Variants in PIWIL1 observed in about 807,000 individuals in gnomAD.
PIWIL1 encodes piwi-like protein 1.
Under a neutral mutation model 114.4 loss-of-function variants are expected in PIWIL1, and 73 were observed. The observed-to-expected ratio is 0.64, with a 90% CI of 0.53 to 0.78. The LOEUF (loss-of-function observed/expected upper bound fraction) is 0.78, where lower values mean the gene tolerates loss of function less well. Among genes scored for constraint, PIWIL1 ranks in the 30% least tolerant of loss-of-function variants. The pLI, the probability that PIWIL1 is intolerant of heterozygous loss-of-function variation, is 0.00. For synonymous variants in PIWIL1, 375 were observed against 369.0 expected (o/e 1.02, Z -0.19); for missense variants, 723 against 1,063.1 (o/e 0.68, Z 4.45).
At chr12:130,422,533 C>T in the PIWIL1 span, 79 of 1,611,428 alleles carry the variant, frequency 4.9e-5, no homozygotes, top group East Asian at 2.7e-4. The surrounding 1 kb of genome is among the most constrained non-coding windows in gnomAD (Gnocchi z 5.2). Flanking sequence ...GTGATCCACC[C>T]GTCCTGCAGA....
At chr12:130,408,413 G>A in the PIWIL1 span, among the ~76,000 whole-genome samples, 1 of 152,186 alleles carries the variant, frequency 6.6e-6, no homozygotes, top group Admixed American at 6.5e-5. Context: ...TTCCATTGTG[G>A]TTTAGCAGCG....
In PIWIL1 at chr12:130,367,278, C is replaced by T. The variant is rs1290886874; in HGVS notation, c.2321+20C>T. The T allele has an allele frequency of 2.5e-6, 4 of 1,597,518 alleles. No individual in the cohort carries two copies. The highest frequency in any genetic ancestry group is 3.4e-6 in the Non-Finnish European group (4 of 1,168,572). On this transcript the variant is annotated intron_variant, in intron 19 of 20. Transcript: ENST00000245255. ...AGAATGGTAAGTTCCATGTGATGAG[C>T]TGAAGGTTGTTTTCTCCTTGGTGGT...
chr12:130,376,269 A>G (rs138445653), downstream of PIWIL1, among the ~76,000 whole-genome samples: 193 of 152,358 alleles, frequency 1.3e-3, no homozygotes, highest in African/African-American at 4.4e-3. Flanking sequence ...ATATCTGTTG[A>G]TAATTACCAT....
chr12:130,401,074 A>ATACTT, the PIWIL1 span, among the ~76,000 whole-genome samples: 12 of 152,224 alleles, frequency 7.9e-5, no homozygotes, highest in African/African-American at 2.7e-4. Flanking sequence ...CAATGTAAAC[A>ATACTT]TACTTAACAC....
intron 19 of PIWIL1, among the ~76,000 whole-genome samples, chr12:130,368,806 C>T (rs984054997): frequency 6.6e-6 from 1 of 151,880 alleles, no homozygotes; most frequent in Non-Finnish European, 1.5e-5. Context: ...GTATAAAAAA[C>T]GTCATGAGTT....
At chr12:130,397,193 C>A in the PIWIL1 span, 221 of 375,050 alleles carry the variant, frequency 5.9e-4, 1 homozygote, top group South Asian at 1.3e-3. Context: ...AACCGCTCCT[C>A]TTTGTTCTCG....
chr12:130,366,109 A>G (rs1449209070), intron 18 of PIWIL1, among the ~76,000 whole-genome samples: 2 of 152,192 alleles, frequency 1.3e-5, no homozygotes, highest in East Asian at 3.9e-4. Flanking sequence ...ATTGGAAATC[A>G]AGTGTATCTG....
At chr12:130,421,256 C>T in the PIWIL1 span, among the ~76,000 whole-genome samples, 633 of 152,330 alleles carry the variant, frequency 4.2e-3, 15 homozygotes, top group Admixed American at 0.037. Context: ...CTCCACTAAC[C>T]CTGCTAGCTG....
At chr12:130,351,845 T>C (rs940629741) in intron 9 of PIWIL1, 9 of 152,210 alleles carry the variant, frequency 5.9e-5, no homozygotes, top group African/African-American at 2.2e-4. Context: ...TCCTCTACCT[T>C]CTGATCAATC....
downstream of PIWIL1, among the ~76,000 whole-genome samples, chr12:130,375,660 C>T (rs1456197071): frequency 6.6e-6 from 1 of 152,134 alleles, no homozygotes; most frequent in African/African-American, 2.4e-5. Context: ...CCTATTCATT[C>T]CCAACAGCTT....
intron 9 of PIWIL1, among the ~76,000 whole-genome samples, chr12:130,352,684 G>C (rs1371206729): frequency 6.6e-6 from 1 of 152,116 alleles, no homozygotes; most frequent in Non-Finnish European, 1.5e-5. Context: ...ATAAATAAAT[G>C]AATGAATGAA....
chr12:130,354,528 C>T lies in PIWIL1; in HGVS notation c.1045-9C>T, dbSNP rs1258312830. The T allele has an allele frequency of 6.2e-7, 1 of 1,614,116 alleles. No homozygotes were observed. The highest frequency in any genetic ancestry group is 1.1e-5 in the South Asian group (1 of 91,072). On this transcript the variant is annotated splice_polypyrimidine_tract_variant and intron_variant, in intron 9 of 20. Coordinates refer to ENST00000245255, the MANE Select transcript of PIWIL1 (RefSeq NM_004764.5). ...GCCGTGAACAGCGACCCTTTCGTCT[C>T]TTGAGCAGCAATACAACCAAGAGAT...
intron 19 of PIWIL1, among the ~76,000 whole-genome samples, chr12:130,367,743 C>T (rs767568115): frequency 2.6e-5 from 4 of 152,310 alleles, no homozygotes; most frequent in Non-Finnish European, 4.4e-5. Flanking sequence ...CAGCGGGCAC[C>T]GGCAGGCACA....
At chr12:130,352,954 G>T (rs1466715961) in intron 9 of PIWIL1, among the ~76,000 whole-genome samples, 1 of 152,192 alleles carries the variant, frequency 6.6e-6, no homozygotes, top group East Asian at 1.9e-4. Context: ...AGATGTGAGT[G>T]TTCTACTTAA....
At chr12:130,424,965 A>C in the PIWIL1 span, 28 of 480,112 alleles carry the variant, frequency 5.8e-5, no homozygotes, top group South Asian at 1.1e-4. The surrounding 1 kb of genome is among the most constrained non-coding windows in gnomAD (Gnocchi z 9.8). Context: ...TCCTGGAGGC[A>C]CCGAGGGGGG....
At chr12:130,375,928 C>T (rs1056651503), downstream of PIWIL1, among the ~76,000 whole-genome samples, 7 of 152,180 alleles carry the variant, frequency 4.6e-5, no homozygotes, top group Admixed American at 4.6e-4. Flanking sequence ...ATGCCATGCT[C>T]TCTTGGCTCC....
At chr12:130,383,101 A>G in the PIWIL1 span, among the ~76,000 whole-genome samples, 1 of 152,184 alleles carries the variant, frequency 6.6e-6, no homozygotes, top group Non-Finnish European at 1.5e-5. Flanking sequence ...ACCGTTGTCC[A>G]GAGTGAAAAA....
Position 130,363,103 on chromosome 12 carries a change from A to G in PIWIL1, c.2154A>G (p.Pro718=), listed in dbSNP as rs779859945. ...AAACACTGGTGAACTACGAAGTGCC[A>G]CAGTTTTTGGATTGTCTAAAATCCA... ...QLKTLVNYEV[P]QFLDCLKSIG... The change falls in exon 18 of 21, where the codon CCA becomes CCG. Residue 718 remains proline, a synonymous_variant. Coordinates refer to ENST00000245255, the MANE Select transcript of PIWIL1 (RefSeq NM_004764.5). 14 of 1,614,236 alleles carry G rather than the reference A, an allele frequency of 8.7e-6. No individual in the cohort carries two copies. Among genetic ancestry groups the G allele is most frequent in the Non-Finnish European group, 6.8e-6 (8 of 1,180,028 alleles).
At chr12:130,417,875 A>G in the PIWIL1 span, among the ~76,000 whole-genome samples, 59 of 151,882 alleles carry the variant, frequency 3.9e-4, no homozygotes, top group Middle Eastern at 3.4e-3. Flanking sequence ...GGGAGGGGAG[A>G]GGGAACTGAC....
Sources: gnomAD v4.1 joint callset for allele counts (sites outside exome capture counted in the v4.1 genomes callset) on GRCh38, gnomAD v4.1.1 for gene constraint, Gnocchi (gnomAD v3.1) non-coding constraint, MANE v1.5 for transcripts, NCBI Gene and HGNC (gene_info 2026-07-23, HGNC 2026-07-21) for gene names.